Variants in PLCB1 observed in about 807,000 individuals in gnomAD.
The protein encoded by PLCB1 is phospholipase C beta 1.
Under a neutral mutation model 161.8 loss-of-function variants are expected in PLCB1, and 46 were observed. The ratio of observed to expected loss-of-function variants is 0.28; its 90% CI spans 0.22 to 0.36. PLCB1 has a LOEUF of 0.36. PLCB1 is among the 10% of genes least tolerant of loss of function. The pLI, the probability that PLCB1 is intolerant of heterozygous loss-of-function variation, is 1.00. For missense variants in PLCB1, 1,016 were observed against 1,472.5 expected (o/e 0.69, Z 5.07); for synonymous variants, 517 against 503.7 (o/e 1.03, Z -0.35).
chr20:8,529,065 A>G (rs570747934), intron 3 of PLCB1, among the ~76,000 whole-genome samples: 9 of 149,896 alleles, frequency 6.0e-5, no homozygotes, highest in African/African-American at 2.3e-4. Context: ...ATATATCAAA[A>G]TCACACACTT....
intron 2 of PLCB1, among the ~76,000 whole-genome samples, chr20:8,327,867 T>C (rs1985217781): frequency 6.6e-6 from 1 of 151,938 alleles, no homozygotes; most frequent in Non-Finnish European, 1.5e-5. Flanking sequence ...TACAAATATA[T>C]ATTATATAAT....
chr20:8,454,180 C>T (rs1173639380), intron 3 of PLCB1, among the ~76,000 whole-genome samples: 1 of 152,168 alleles, frequency 6.6e-6, no homozygotes, highest in Non-Finnish European at 1.5e-5. Flanking sequence ...TTTGTTATGG[C>T]AGCCCGAGCT....
At chr20:8,223,653 A>G (rs1734472396) in intron 2 of PLCB1, among the ~76,000 whole-genome samples, 1 of 152,170 alleles carries the variant, frequency 6.6e-6, no homozygotes, top group Non-Finnish European at 1.5e-5. Flanking sequence ...TGTTTTGGGT[A>G]TGTAAACATC....
intron 31 of PLCB1, among the ~76,000 whole-genome samples, chr20:8,869,422 C>G (rs1247294014): frequency 6.6e-6 from 1 of 152,172 alleles, no homozygotes; most frequent in Non-Finnish European, 1.5e-5. Flanking sequence ...GGGCCAGGAA[C>G]TCACATATTA....
intron 31 of PLCB1, among the ~76,000 whole-genome samples, chr20:8,793,263 G>A (rs916340678): frequency 2.6e-5 from 4 of 152,214 alleles, no homozygotes; most frequent in South Asian, 4.1e-4. Context: ...GATGAGGAAC[G>A]TGAGCTGACA....
At chr20:8,318,215 A>G (rs1407669739) in intron 2 of PLCB1, among the ~76,000 whole-genome samples, 1 of 152,136 alleles carries the variant, frequency 6.6e-6, no homozygotes, top group Non-Finnish European at 1.5e-5. Context: ...GACTTCTAGG[A>G]CTTAAAAGTC....
rs748948900 is a variant in PLCB1 at position 8,412,024 on chromosome 20, C to CA, written c.246+40575dup. Among the ~76,000 whole-genome samples the CA allele has an allele frequency of 2.7e-3, 391 of 147,184 alleles. 12 individuals are homozygous for CA. Among genetic ancestry groups the CA allele is most frequent in the Admixed American group, 0.02 (299 of 14,806 alleles). On this transcript the variant is annotated intron_variant, in intron 3 of 31. Coordinates refer to ENST00000338037, the MANE Select transcript of PLCB1 (RefSeq NM_015192.4). ...GGCAACAACAGCAAAGACTCCGTCT[C>CA]AGAAAAAAGAAAAAAAAAGAAGACA...
chr20:8,228,347 A>G (rs1979815238), intron 2 of PLCB1, among the ~76,000 whole-genome samples: 2 of 152,020 alleles, frequency 1.3e-5, no homozygotes, highest in African/African-American at 4.8e-5. Flanking sequence ...TATAGAGCAC[A>G]TCTTTTTAAT....
chr20:8,538,753 C>T (rs965814036), intron 3 of PLCB1, among the ~76,000 whole-genome samples: 1 of 151,682 alleles, frequency 6.6e-6, no homozygotes, highest in Admixed American at 6.6e-5. Flanking sequence ...TAAATAAAAA[C>T]TATCTTAAAC....
chr20:8,603,785 C>T (rs1220247079), intron 3 of PLCB1, among the ~76,000 whole-genome samples: 1 of 152,216 alleles, frequency 6.6e-6, no homozygotes, highest in Non-Finnish European at 1.5e-5. Flanking sequence ...TTAACATTAA[C>T]AGCTTTCAAT....
At chr20:8,211,642 G>A (rs556128994) in intron 2 of PLCB1, among the ~76,000 whole-genome samples, 1 of 152,210 alleles carries the variant, frequency 6.6e-6, no homozygotes, top group Non-Finnish European at 1.5e-5. Context: ...AGTAAGATAG[G>A]AACATATAGA....
At chr20:8,270,162 T>C (rs1470769535) in intron 2 of PLCB1, among the ~76,000 whole-genome samples, 1 of 152,180 alleles carries the variant, frequency 6.6e-6, no homozygotes, top group Non-Finnish European at 1.5e-5. Context: ...AGATGTTGCA[T>C]AGCACTGTGA....
intron 10 of PLCB1, among the ~76,000 whole-genome samples, chr20:8,686,512 T>G (rs904595141): frequency 1.3e-5 from 2 of 152,218 alleles, no homozygotes; most frequent in Admixed American, 6.5e-5. Flanking sequence ...ATTTTATTTG[T>G]CATATAATAA....
At chr20:8,429,729 G>A (rs987419146) in intron 3 of PLCB1, among the ~76,000 whole-genome samples, 2 of 152,014 alleles carry the variant, frequency 1.3e-5, no homozygotes, top group East Asian at 3.8e-4. Flanking sequence ...AATGAAGTTT[G>A]TATAGTAAAA....
At chr20:8,299,282 A>C (rs1983784761) in intron 2 of PLCB1, among the ~76,000 whole-genome samples, 1 of 152,060 alleles carries the variant, frequency 6.6e-6, no homozygotes, top group African/African-American at 2.4e-5. Flanking sequence ...GCTGCCCAAT[A>C]ATTATGCTGT....
intron 27 of PLCB1, among the ~76,000 whole-genome samples, chr20:8,783,658 TAAG>T (rs1453858914): frequency 1.3e-5 from 2 of 152,204 alleles, no homozygotes; most frequent in African/African-American, 4.8e-5. Context: ...GTATATCACA[TAAG>T]AAAGGGGGCT....
chr20:8,278,977 T>TAAAAAAA lies in PLCB1; in HGVS notation c.178-92405_178-92404insAAAAAAA, dbSNP rs1568615549. Among the ~76,000 whole-genome samples the TAAAAAAA allele has an allele frequency of 2.8e-3, 410 of 148,376 alleles. 3 individuals carry two copies. The highest frequency in any genetic ancestry group is 9.8e-3 in the African/African-American group (390 of 39,604). ...AATAAACACGACTATACAGTGTTTT[T>TAAAAAAA]TAAAAAAAAAAACAAAACAGAAAAT... is the stretch of plus-strand genomic sequence containing the variant. On this transcript the variant is annotated intron_variant, in intron 2 of 31. Transcript: ENST00000338037.
At chr20:8,452,796 T>G (rs891481709) in intron 3 of PLCB1, among the ~76,000 whole-genome samples, 12 of 152,184 alleles carry the variant, frequency 7.9e-5, no homozygotes, top group African/African-American at 2.9e-4. Context: ...GGAGGAAAGA[T>G]ATTCTGGTAG....
At chr20:8,242,075 G>T (rs1417379338) in intron 2 of PLCB1, among the ~76,000 whole-genome samples, 1 of 151,938 alleles carries the variant, frequency 6.6e-6, no homozygotes, top group African/African-American at 2.4e-5. Context: ...GATATTAGGA[G>T]TCAGGAGCTA....
Sources: allele counts gnomAD v4.1 joint callset (sites outside exome capture counted in the v4.1 genomes callset), GRCh38; gene constraint gnomAD v4.1.1; transcripts MANE v1.5; gene names NCBI Gene and HGNC (gene_info 2026-07-23, HGNC 2026-07-21).